The following ALX4 variants were observed in gnomAD, a reference collection of about 807,000 sequenced individuals.
The protein encoded by ALX4 is ALX homeobox 4.
A neutral mutation model predicts 40.6 loss-of-function variants in ALX4; 22 were observed. The observed-to-expected ratio is 0.54, with a 90% confidence interval of 0.39 to 0.77. ALX4 has a LOEUF of 0.77. Ranked by LOEUF, ALX4 falls within the 30% of genes least tolerant of loss-of-function variation. ALX4 has a pLI of 0.00. For synonymous variants in ALX4, 266 were observed against 240.5 expected, an observed-to-expected ratio of 1.11 and a Z score of -0.98; for missense variants, 556 against 564.8, an observed-to-expected ratio of 0.98 and a Z score of 0.16.
At position 44,308,103 on chromosome 11, in the gene ALX4, G is replaced by C. The variant is rs1038735601; in HGVS notation, c.466+1494C>G. On this transcript the variant is annotated intron_variant, in intron 1 of 3. Transcript: ENST00000652299. ...TCTTTCTAAATCTTCTCTCAGTTCT[G>C]TCCTATGGGTTTGGGAGTATGTGGC... Among the ~76,000 whole-genome samples the C allele has an allele frequency of 5.9e-5, 9 of 152,324 alleles. No homozygotes were observed. In the South Asian group the frequency reaches 1.9e-3, roughly 32 times the overall value.
rs1211999740 is a variant in ALX4, at chr11:44,275,537, T to C, written c.588A>G (p.Ser196=). Residue 196 remains serine, a synonymous_variant, in exon 2 of 4, where the codon TCA becomes TCG. Transcript: ENST00000652299. ...GVKGPQDRAS[S]DLPSPLEKAD... is the part of the protein sequence containing the mutation. ...CCTTCTCCAATGGGCTGGGGAGGTC[T>C]GAGCTGGCCCGGTCCTGGGGCCCCT... 6.2e-7 allele frequency: 1 copy of C among 1,614,212 alleles called. No homozygotes were observed.
chr11:44,300,932 G>A (rs183934119), intron 1 of ALX4, among the ~76,000 whole-genome samples: 175 of 152,340 alleles, frequency 1.1e-3, no homozygotes, highest in African/African-American at 3.8e-3. Flanking sequence ...AACCCTGGTG[G>A]CGCCTGCACG....
Position 44,265,172 on chromosome 11 carries a change from C to A in ALX4, c.918G>T (p.Pro306=). The A allele has an allele frequency of 6.2e-7, 1 of 1,603,296 alleles. No individual in the cohort carries two copies. Among genetic ancestry groups the A allele is most frequent in the Non-Finnish European group, 8.5e-7 (1 of 1,173,704 alleles). ...RAENYAQIQN[P]SWLGNNGAAS... Reference sequence around the variant, plus strand: ...CAGCCCCGTTGTTGCCGAGCCAGGACGGGTTCTGAATCTGGGAGAGGAAGG... The same window carrying A: ...CAGCCCCGTTGTTGCCGAGCCAGGAAGGGTTCTGAATCTGGGAGAGGAAGG... Residue 306 remains proline (P), a synonymous_variant, in exon 4 of 4, where the codon CCG becomes CCT. Transcript: ENST00000652299.
intron 1 of ALX4, among the ~76,000 whole-genome samples, chr11:44,303,791 G>C (rs1956449653): frequency 6.6e-6 from 1 of 152,206 alleles, no homozygotes; most frequent in Admixed American, 6.5e-5. Context: ...AGCTTCTTCC[G>C]CATCACCAAA....
At position 44,260,608 on chromosome 11, in the gene ALX4, A is replaced by T. The variant is rs1214571592; in HGVS notation, c.*4246T>A. The T allele has an allele frequency of 2.0e-5, 3 of 152,188 alleles. No individual in the cohort carries two copies. The highest frequency in any genetic ancestry group is 7.2e-5 in the African/African-American group (3 of 41,436). The allele number at this position is 152,188 out of a possible 1,614,324, so 9.4% of individuals were successfully genotyped here. A position where few individuals can be genotyped will look rare whatever the true frequency, so the allele number is the denominator to read the frequency against. On this transcript the variant is annotated 3_prime_UTR_variant, in exon 4 of 4. Transcript: ENST00000652299. ...CCGTGTTCCTCCTCTCCCAAAAAAG[A>T]TGTAAGTGCAATAACTTACTTTAAA...
intron 1 of ALX4, among the ~76,000 whole-genome samples, chr11:44,306,172 C>T (rs1164979608): frequency 1.3e-5 from 2 of 152,234 alleles, no homozygotes; most frequent in South Asian, 4.1e-4. Flanking sequence ...TCGGTGGGGG[C>T]TCTTTCGTAA....
At chr11:44,284,868 TAAAA>T (rs1295283413) in intron 1 of ALX4, among the ~76,000 whole-genome samples, 1 of 151,584 alleles carries the variant, frequency 6.6e-6, no homozygotes, top group Admixed American at 6.6e-5. Context: ...TATGGAAGAT[TAAAA>T]AAAAATCAAG....
At chr11:44,273,195 A>C (rs76724975) in intron 2 of ALX4, among the ~76,000 whole-genome samples, 1 of 149,180 alleles carries the variant, frequency 6.7e-6, no homozygotes, top group Non-Finnish European at 1.5e-5. Context: ...CTGATTAAAA[A>C]AAAAAAAAAA....
intron 1 of ALX4, among the ~76,000 whole-genome samples, chr11:44,287,136 G>A (rs1038640641): frequency 1.6e-4 from 24 of 152,084 alleles, no homozygotes; most frequent in Admixed American, 4.6e-4. Context: ...CTGCCACCCC[G>A]TCCTCCACTG....
rs1280925947 is a variant in ALX4, at chr11:44,267,396, A to G, written c.906+98T>C. 4.6e-6 allele frequency: 7 copies of G among 1,522,294 alleles called. No individual in the cohort carries two copies. The Admixed American group carries it at 7.3e-5, about 16-fold the overall frequency. The allele number at this position is 1,522,294 out of a possible 1,614,324, so 94.3% of individuals were successfully genotyped here. A position where few individuals can be genotyped will look rare whatever the true frequency, so the allele number is the denominator to read the frequency against. ...TGAGACGGAAGGGCAGCCTGGAGCC[A>G]TAAGTCATCTCGGGGTGCCTGGGCT... On this transcript the variant is annotated intron_variant, in intron 3 of 3. Transcript: ENST00000652299.
chr11:44,270,490 C>T (rs1287975466), intron 2 of ALX4, among the ~76,000 whole-genome samples: 1 of 152,076 alleles, frequency 6.6e-6, no homozygotes, highest in African/African-American at 2.4e-5. Flanking sequence ...CCTGGCCGGT[C>T]CTCAATATCC....
At position 44,283,471 on chromosome 11, in the gene ALX4, C is replaced by T. The variant is rs139835007; in HGVS notation, c.467-7813G>A. ...GTCATAGTTTAATATGTAGGAAAAC[C>T]GACAGTAATCAAAATATTCAACAAT... is the stretch of plus-strand genomic sequence containing the variant. On this transcript the variant is annotated intron_variant, in intron 1 of 3. Transcript: ENST00000652299. Among the ~76,000 whole-genome samples, 1,371 of 152,072 alleles carry T rather than the reference C, an allele frequency of 9.0e-3. 19 individuals are homozygous for T. The highest frequency in any genetic ancestry group is 0.031 in the African/African-American group (1,298 of 41,472).
At chr11:44,267,406 T>G (rs1956219583) in intron 3 of ALX4, 88 bp downstream of exon 3, 11 of 1,558,010 alleles carry the variant, frequency 7.1e-6, no homozygotes, top group Non-Finnish European at 9.6e-6. Flanking sequence ...ATAAGTCATC[T>G]CGGGGTGCCT....
intron 2 of ALX4, among the ~76,000 whole-genome samples, chr11:44,273,134 T>C (rs911735134): frequency 6.0e-5 from 9 of 150,048 alleles, no homozygotes; most frequent in Non-Finnish European, 1.0e-4. Context: ...GGTTGGGGCA[T>C]CTCTGTCCTA....
At chr11:44,266,694 G>C (rs540259923) in intron 3 of ALX4, among the ~76,000 whole-genome samples, 2 of 152,174 alleles carry the variant, frequency 1.3e-5, no homozygotes, top group Non-Finnish European at 2.9e-5. Context: ...CTTCTGCTGG[G>C]CAGGCTGAGT....
chr11:44,291,877 G>A (rs924652955), intron 1 of ALX4, among the ~76,000 whole-genome samples: 3 of 152,156 alleles, frequency 2.0e-5, no homozygotes, highest in African/African-American at 7.2e-5. Flanking sequence ...GGAGTGCATT[G>A]ATGCCATCTC....
chr11:44,272,327 A>T (rs1956252800), intron 2 of ALX4, among the ~76,000 whole-genome samples: 1 of 152,090 alleles, frequency 6.6e-6, no homozygotes, highest in Non-Finnish European at 1.5e-5. Context: ...AACATGGTGA[A>T]ACCCCATCTC....
chr11:44,287,528 C>T (rs1956345797), intron 1 of ALX4, among the ~76,000 whole-genome samples: 1 of 148,884 alleles, frequency 6.7e-6, no homozygotes, highest in South Asian at 2.1e-4. Flanking sequence ...TTTGGGAGGC[C>T]GAGGTGGGAG....
At chr11:44,266,394 T>C (rs1956214099) in intron 3 of ALX4, among the ~76,000 whole-genome samples, 3 of 151,910 alleles carry the variant, frequency 2.0e-5, no homozygotes, top group East Asian at 1.9e-4. Context: ...TGGAAGAACA[T>C]AGTGCGAGCT....
Sources: gnomAD v4.1 joint callset for allele counts (sites outside exome capture counted in the v4.1 genomes callset) on GRCh38, gnomAD v4.1.1 for gene constraint, MANE v1.5 for transcripts, NCBI Gene and HGNC (gene_info 2026-07-23, HGNC 2026-07-21) for gene names.